Variants in FAM53A observed in about 807,000 individuals in gnomAD.
FAM53A encodes the protein protein FAM53A.
Under a neutral mutation model 26.6 loss-of-function variants are expected in FAM53A, and 28 were observed. That is an observed-to-expected ratio of 1.05 (90% CI 0.78 to 1.45). The LOEUF is 1.45. Ranked by LOEUF, FAM53A falls within the 40% of genes most tolerant of loss-of-function variation. The probability of loss-of-function intolerance (pLI) is 0.00; values close to 1 mark genes in which losing one functional copy is unlikely to be tolerated. For synonymous variants in FAM53A, 290 were observed against 253.1 expected (o/e 1.15, Z -1.38); for missense variants, 650 against 575.8 (o/e 1.13, Z -1.32).
At chr4:1,676,082 G>T (rs1394400387) in intron 1 of FAM53A, among the ~76,000 whole-genome samples, 2 of 152,254 alleles carry the variant, frequency 1.3e-5, no homozygotes, top group Non-Finnish European at 2.9e-5. Flanking sequence ...CATGCAGTCA[G>T]ATACAGCATT....
intron 1 of FAM53A, among the ~76,000 whole-genome samples, chr4:1,677,037 A>G (rs1715090929): frequency 6.6e-6 from 1 of 152,106 alleles, no homozygotes; most frequent in Non-Finnish European, 1.5e-5. Flanking sequence ...CTGGAGTCCC[A>G]CCTTGTGCTC....
the FAM53A span, among the ~76,000 whole-genome samples, chr4:1,598,124 C>G: frequency 1.3e-5 from 2 of 152,252 alleles, no homozygotes; most frequent in East Asian, 3.8e-4. Flanking sequence ...CTGCTGCCTA[C>G]GTACCCCCTT....
intron 1 of FAM53A, among the ~76,000 whole-genome samples, chr4:1,629,965 G>A (rs183691880): frequency 3.3e-5 from 5 of 152,284 alleles, no homozygotes; most frequent in Admixed American, 1.3e-4. Flanking sequence ...AGCAGATGCC[G>A]GATGGAGCTT....
chr4:1,661,556 C>G lies in FAM53A; in HGVS notation c.76-4088G>C, dbSNP rs954164991. Among the ~76,000 whole-genome samples the G allele has an allele frequency of 4.9e-4, 74 of 152,288 alleles. 1 individual carries two copies. The highest frequency in any genetic ancestry group is 1.0e-4 in the Non-Finnish European group (7 of 68,022). Reference sequence around the variant, plus strand: ...TGCTGTCCCGGGCTCTCTGGGGAAGCCCCAGCCAGAGCACAGTGAGATGCT... The same window carrying G: ...TGCTGTCCCGGGCTCTCTGGGGAAGGCCCAGCCAGAGCACAGTGAGATGCT... On this transcript the variant is annotated intron_variant, in intron 2 of 4. Transcript: ENST00000308132.
intron 1 of FAM53A, among the ~76,000 whole-genome samples, chr4:1,623,459 T>G (rs1715142836): frequency 6.6e-6 from 1 of 151,940 alleles, no homozygotes; most frequent in Non-Finnish European, 1.5e-5. Context: ...GCCCCCGGGC[T>G]CGCCAGCGCT....
At chr4:1,660,279 G>A (rs932352648) in intron 2 of FAM53A, among the ~76,000 whole-genome samples, 6 of 150,124 alleles carry the variant, frequency 4.0e-5, no homozygotes, top group Non-Finnish European at 7.4e-5. Context: ...GCAAGACTCC[G>A]TGCAGAAAAA....
chr4:1,614,405 G>A (rs1206178959), downstream of FAM53A, among the ~76,000 whole-genome samples: 1 of 139,220 alleles, frequency 7.2e-6, no homozygotes. Flanking sequence ...GGCATGCAGA[G>A]ACGTGAGGGG....
the FAM53A span, among the ~76,000 whole-genome samples, chr4:1,599,101 C>T: frequency 6.6e-5 from 10 of 152,166 alleles, no homozygotes; most frequent in East Asian, 1.4e-3. The surrounding 1 kb of genome is among the most constrained non-coding windows in gnomAD (Gnocchi z 6.1). Flanking sequence ...AGCGCAGGGC[C>T]GTCGGCTCCA....
downstream of FAM53A, among the ~76,000 whole-genome samples, chr4:1,636,442 T>C (rs1715841777): frequency 6.6e-6 from 1 of 152,220 alleles, no homozygotes; most frequent in Non-Finnish European, 1.5e-5. Flanking sequence ...GGCAGTGCAT[T>C]GCTTTGGGAA....
At chr4:1,600,229 AG>A in the FAM53A span, among the ~76,000 whole-genome samples, 3 of 152,118 alleles carry the variant, frequency 2.0e-5, no homozygotes, top group Non-Finnish European at 4.4e-5. Context: ...CTACTCCAGA[AG>A]GGGTCAGAGT....
intron 4 of FAM53A, among the ~76,000 whole-genome samples, chr4:1,649,224 G>GGGGA: frequency 6.6e-6 from 1 of 150,726 alleles, no homozygotes; most frequent in African/African-American, 2.5e-5. Flanking sequence ...GGAAGGGGAA[G>GGGGA]AGGAGGGGAG....
chr4:1,599,171 G>A, the FAM53A span, among the ~76,000 whole-genome samples: 44 of 145,620 alleles, frequency 3.0e-4, no homozygotes, highest in Admixed American at 8.1e-4. The surrounding 1 kb of genome is among the most constrained non-coding windows in gnomAD (Gnocchi z 6.1). Context: ...CAGGGCCGTC[G>A]GCTCCAACCC....
intron 1 of FAM53A, among the ~76,000 whole-genome samples, chr4:1,629,706 C>T (rs1223372492): frequency 1.3e-5 from 2 of 152,230 alleles, no homozygotes; most frequent in African/African-American, 4.8e-5. Flanking sequence ...CAGACTCAGC[C>T]CCTTGGGAAG....
In FAM53A at chr4:1,655,737, C is replaced by T. The variant is rs753552825; in HGVS notation, c.137-14G>A. 11 of 1,532,448 alleles carry T rather than the reference C, an allele frequency of 7.2e-6. No homozygotes were observed. Among genetic ancestry groups the T allele is most frequent in the African/African-American group, 1.4e-5 (1 of 71,774 alleles). The allele number at this position is 1,532,448 out of a possible 1,614,324, so 94.9% of individuals were successfully genotyped here. ...AGGGACTCTGGTCTACAAAAAAAGA[C>T]ACAAAGAGGCAGGGGAAGAGACAGG... On this transcript the variant is annotated splice_polypyrimidine_tract_variant and intron_variant, in intron 3 of 4. Coordinates refer to ENST00000308132, the MANE Select transcript of FAM53A (RefSeq NM_001174070.3).
rs919779455 is a variant in FAM53A at position 1,630,591 on chromosome 4, C to G, written c.432-12480G>C. Among the ~76,000 whole-genome samples, 27 of 152,164 alleles carry G rather than the reference C, an allele frequency of 1.8e-4. No homozygotes were observed. The highest frequency in any genetic ancestry group is 6.5e-4 in the African/African-American group (27 of 41,426). ...CGTCCCACACCTGAGGCAGGCTCAG[C>G]AATTCCCCTCAGCCTCACCGCCACT... On this transcript the variant is annotated intron_variant, in intron 1 of 1. Coordinates refer to the FAM53A transcript ENST00000489029. This position sits in a 1 kb window ranked among gnomAD's most constrained non-coding sequence, Gnocchi z 4.3.
At chr4:1,661,376 T>C (rs944306774) in intron 2 of FAM53A, among the ~76,000 whole-genome samples, 11 of 152,162 alleles carry the variant, frequency 7.2e-5, no homozygotes, top group Non-Finnish European at 4.4e-5. Context: ...TTTTTCCTGA[T>C]GCACTATCGC....
At position 1,655,510 on chromosome 4, in the gene FAM53A, G is replaced by C; in HGVS notation, c.350C>G (p.Thr117Ser). 1 of 1,571,950 alleles carries C rather than the reference G, an allele frequency of 6.4e-7. No homozygotes were observed. Among genetic ancestry groups the C allele is most frequent in the Non-Finnish European group, 8.6e-7 (1 of 1,157,846 alleles). Residue 117 changes from threonine (T) to serine (S), a missense_variant, in exon 4 of 5, where the codon ACC becomes AGC. Transcript: ENST00000308132. ...TGACAAGGACCGGCAATGCCGCTTG[G>C]TCGGTGGGGCCGTGGACGAGCCTGT... The part of the protein sequence containing the change: ...ESTGSSTAPP[T>S]KRHCRSLSEP...
intron 1 of FAM53A, among the ~76,000 whole-genome samples, chr4:1,676,595 C>T (rs1194443546): frequency 1.3e-5 from 2 of 152,276 alleles, no homozygotes; most frequent in East Asian, 1.9e-4. Flanking sequence ...AGAGGCCTCA[C>T]CCCTGCCACT....
chr4:1,620,821 C>A (rs544809891), intron 1 of FAM53A, among the ~76,000 whole-genome samples: 1 of 152,300 alleles, frequency 6.6e-6, no homozygotes, highest in South Asian at 2.1e-4. Flanking sequence ...CTGCCATCAA[C>A]ACGGTAGCAG....
Sources: gnomAD v4.1 joint callset for allele counts (sites outside exome capture counted in the v4.1 genomes callset) on GRCh38, gnomAD v4.1.1 for gene constraint, Gnocchi (gnomAD v3.1) non-coding constraint, MANE v1.5 for transcripts, NCBI Gene and HGNC (gene_info 2026-07-23, HGNC 2026-07-21) for gene names.